HEPACAM: variants seen among roughly 807,000 people sequenced by gnomAD.
The protein encoded by HEPACAM is hepatocyte cell adhesion molecule.
In HEPACAM, 18 loss-of-function variants were observed where a neutral mutation model predicts 38.3. That is an observed-to-expected ratio of 0.47 (90% CI 0.33 to 0.70). The LOEUF is 0.70. HEPACAM is among the 30% of genes least tolerant of loss of function. The pLI is 0.03. For missense variants in HEPACAM, 466 were observed against 563.0 expected, an observed-to-expected ratio of 0.83 and a Z score of 1.74; for synonymous variants, 216 against 243.1, an observed-to-expected ratio of 0.89 and a Z score of 1.04.
chr11:124,928,666 C>A (rs1024722770), intron 1 of HEPACAM, among the ~76,000 whole-genome samples: 17 of 152,180 alleles, frequency 1.1e-4, no homozygotes, highest in Non-Finnish European at 2.9e-5. Context: ...TACCTGATTG[C>A]CTCCTTTGGA....
Position 124,920,470 on chromosome 11 carries a change from G to A in HEPACAM, c.*668C>T, listed in dbSNP as rs961666708. ...GCTCGGGTTCTTTGCCCTTGCTAGC[G>A]CCCAGGTCAGAGGGAAAAGGAATGT... is the stretch of plus-strand genomic sequence containing the variant. On this transcript the variant is annotated 3_prime_UTR_variant, in exon 7 of 7. Coordinates refer to ENST00000298251, the MANE Select transcript of HEPACAM (RefSeq NM_152722.5). The A allele has an allele frequency of 3.9e-6, 6 of 1,538,950 alleles. No individual in the cohort carries two copies. Among genetic ancestry groups the A allele is most frequent in the South Asian group, 3.6e-5 (3 of 83,014 alleles).
intron 6 of HEPACAM, among the ~76,000 whole-genome samples, chr11:124,922,063 G>A (rs1221151657): frequency 6.6e-6 from 1 of 152,164 alleles, no homozygotes; most frequent in Non-Finnish European, 1.5e-5. Context: ...CCTGAGCTCC[G>A]CCTCCTGTCA....
At chr11:124,925,520 T>C (rs1276350853) in intron 1 of HEPACAM, among the ~76,000 whole-genome samples, 1 of 152,168 alleles carries the variant, frequency 6.6e-6, no homozygotes, top group Non-Finnish European at 1.5e-5. Context: ...TCAGATCTTC[T>C]TGATTGGGGA....
chr11:124,927,061 G>A (rs186084270), intron 1 of HEPACAM, among the ~76,000 whole-genome samples: 4 of 152,122 alleles, frequency 2.6e-5, no homozygotes, highest in South Asian at 2.1e-4. Flanking sequence ...TAGTAGAGAC[G>A]GGGTTTCAGC....
In HEPACAM at chr11:124,924,236, A is replaced by G. The variant is rs984322771; in HGVS notation, c.428-226T>C. Among the ~76,000 whole-genome samples the G allele has an allele frequency of 2.0e-5, 3 of 152,170 alleles. No individual in the cohort carries two copies. The highest frequency in any genetic ancestry group is 7.2e-5 in the African/African-American group (3 of 41,432). ...TTAGGCATGGCGGGTACAATGCTGA[A>G]CAATGCAGACATGGTGTTGCCCTCA... is the stretch of plus-strand genomic sequence containing the variant. On this transcript the variant is annotated intron_variant, in intron 2 of 6. Coordinates refer to ENST00000298251, the MANE Select transcript of HEPACAM (RefSeq NM_152722.5). The surrounding 1 kb of genome is among the most constrained non-coding windows in gnomAD (Gnocchi z 4.4).
At position 124,919,993 on chromosome 11, in the gene HEPACAM, C is replaced by T; in HGVS notation, c.*1145G>A. Reference sequence around the variant, plus strand: ...ATGTCCTGGCTACACAGCGGCCCAGCCTCTTTATTTTGATGTTAGTGTGAT... The same window carrying T: ...ATGTCCTGGCTACACAGCGGCCCAGTCTCTTTATTTTGATGTTAGTGTGAT... On this transcript the variant is annotated 3_prime_UTR_variant, in exon 7 of 7. Transcript: ENST00000298251. 1.2e-6 allele frequency: 2 copies of T among 1,613,142 alleles called. No individual in the cohort carries two copies. Among genetic ancestry groups the T allele is most frequent in the Non-Finnish European group, 1.7e-6 (2 of 1,179,968 alleles).
Position 124,920,883 on chromosome 11 carries a change from C to T in HEPACAM, c.*255G>A, listed in dbSNP as rs188179083. On this transcript the variant is annotated 3_prime_UTR_variant, in exon 7 of 7. Transcript: ENST00000298251. Reference sequence around the variant, plus strand: ...AATAATCTATGTGGTCCTAAGAGGGCACAACCTATACCAAGTGAGGACACA... The same window carrying T: ...AATAATCTATGTGGTCCTAAGAGGGTACAACCTATACCAAGTGAGGACACA... The T allele has an allele frequency of 7.5e-7, 1 of 1,324,900 alleles. No homozygotes were observed. The highest frequency in any genetic ancestry group is 9.6e-7 in the Non-Finnish European group (1 of 1,039,810). 82.1% of individuals were successfully genotyped at this position (1,324,900 alleles called of 1,614,324 possible). A position where few individuals can be genotyped will look rare whatever the true frequency, so the allele number is the denominator to read the frequency against.
intron 1 of HEPACAM, among the ~76,000 whole-genome samples, chr11:124,931,616 T>C (rs1947281793): frequency 6.6e-6 from 1 of 152,224 alleles, no homozygotes; most frequent in Admixed American, 6.5e-5. Context: ...TACATGTTGA[T>C]AGGAGTGTAA....
rs1425716829 is a variant in HEPACAM, at chr11:124,920,341, T to C, written c.*797A>G. On this transcript the variant is annotated 3_prime_UTR_variant, in exon 7 of 7. Coordinates refer to ENST00000298251, the MANE Select transcript of HEPACAM (RefSeq NM_152722.5). Reference sequence around the variant, plus strand: ...GGAGTAAGTGAAATTCACTTCTCTATAAGAATAAGCCCATCCATCTCTTTT... The same window carrying C: ...GGAGTAAGTGAAATTCACTTCTCTACAAGAATAAGCCCATCCATCTCTTTT... 2.7e-6 allele frequency: 4 copies of C among 1,487,442 alleles called. No homozygotes were observed. The South Asian group carries it at 3.8e-5, about 14-fold the overall frequency. 92.1% of individuals were successfully genotyped at this position (1,487,442 alleles called of 1,614,324 possible).
chr11:124,920,143 T>G lies in HEPACAM; in HGVS notation c.*995A>C, dbSNP rs1466737432. ...TGCTGGGAAGCAATAAGCCTCCTCC[T>G]CCCCCCACCATTTCTCTGGAGATTA... On this transcript the variant is annotated 3_prime_UTR_variant, in exon 7 of 7. Transcript: ENST00000298251. 3.7e-6 allele frequency: 4 copies of G among 1,095,748 alleles called. No individual in the cohort carries two copies. In the African/African-American group the frequency reaches 6.3e-5, roughly 17 times the overall value. The allele number at this position is 1,095,748 out of a possible 1,614,324, so 67.9% of individuals were successfully genotyped here.
In HEPACAM at chr11:124,920,308, G is replaced by C. The variant is rs367649640; in HGVS notation, c.*830C>G. The stretch of plus-strand genomic sequence containing the variant: ...CAGTTCCTCATTTGGTCTAGTTTTC[G>C]GGCCAGGGGAGTAAGTGAAATTCAC... On this transcript the variant is annotated 3_prime_UTR_variant, in exon 7 of 7. Coordinates refer to ENST00000298251, the MANE Select transcript of HEPACAM (RefSeq NM_152722.5). The C allele has an allele frequency of 1.1e-5, 14 of 1,296,546 alleles. No homozygotes were observed. In the East Asian group the frequency reaches 1.5e-4, roughly 14 times the overall value. 80.3% of individuals were successfully genotyped at this position (1,296,546 alleles called of 1,614,324 possible).
chr11:124,922,478 G>A lies in HEPACAM; in HGVS notation c.878-20C>T, dbSNP rs545124275. The A allele has an allele frequency of 1.1e-5, 18 of 1,613,730 alleles. No homozygotes were observed. In the East Asian group the frequency reaches 1.6e-4, roughly 14 times the overall value. On this transcript the variant is annotated intron_variant, in intron 5 of 6. Coordinates refer to ENST00000298251, the MANE Select transcript of HEPACAM (RefSeq NM_152722.5). ...TGTCTGCTGCACAGGGGAGAGAAGC[G>A]GGTGGCTGGCCCAGGTACAGACTCT...
rs1359286140 is a variant in HEPACAM, at chr11:124,921,480, C to T, written c.949-40G>A. 8.2e-7 allele frequency: 1 copy of T among 1,214,114 alleles called. No individual in the cohort carries two copies. The highest frequency in any genetic ancestry group is 1.0e-6 in the Non-Finnish European group (1 of 965,430). 75.2% of individuals were successfully genotyped at this position (1,214,114 alleles called of 1,614,324 possible). On this transcript the variant is annotated intron_variant, in intron 6 of 6. Transcript: ENST00000298251. The surrounding 1 kb of genome is among the most constrained non-coding windows in gnomAD (Gnocchi z 4.6). Reference sequence around the variant, plus strand: ...GCCGCAGGGGTCAGGGGACAGTCAGCCCAGCCTGGGAGCGCGCCTGGTGTT... The same window carrying T: ...GCCGCAGGGGTCAGGGGACAGTCAGTCCAGCCTGGGAGCGCGCCTGGTGTT...
chr11:124,926,486 G>A (rs1947210858), intron 1 of HEPACAM, among the ~76,000 whole-genome samples: 1 of 152,118 alleles, frequency 6.6e-6, no homozygotes, highest in South Asian at 2.1e-4. Context: ...CTATCCAGAG[G>A]GCATTTCAGA....
chr11:124,924,483 G>C lies in HEPACAM; in HGVS notation c.427+245C>G, dbSNP rs905146097. The C allele has an allele frequency of 1.4e-5, 8 of 573,678 alleles. No individual in the cohort carries two copies. Among genetic ancestry groups the C allele is most frequent in the Non-Finnish European group, 1.9e-5 (6 of 319,478 alleles). 35.5% of individuals were successfully genotyped at this position (573,678 alleles called of 1,614,324 possible). A position where few individuals can be genotyped will look rare whatever the true frequency, so the allele number is the denominator to read the frequency against. On this transcript the variant is annotated intron_variant, in intron 2 of 6. Coordinates refer to ENST00000298251, the MANE Select transcript of HEPACAM (RefSeq NM_152722.5). This position sits in a 1 kb window ranked among gnomAD's most constrained non-coding sequence, Gnocchi z 4.4. ...AGGATAATGATATGAACTATCACCA[G>C]ACTATTATAAGCATTAAATGAGTCA...
Position 124,921,149 on chromosome 11 carries a change from T to A in HEPACAM, c.1240A>T (p.Ile414Phe). 1 of 1,527,288 alleles carries A rather than the reference T, an allele frequency of 6.5e-7. No individual in the cohort carries two copies. Among genetic ancestry groups the A allele is most frequent in the Non-Finnish European group, 8.7e-7 (1 of 1,144,138 alleles). 94.6% of individuals were successfully genotyped at this position (1,527,288 alleles called of 1,614,324 possible). Residue 414 changes from isoleucine to phenylalanine, a missense_variant, in exon 7 of 7, where the codon ATC (isoleucine) becomes TTC (phenylalanine). Coordinates refer to ENST00000298251, the MANE Select transcript of HEPACAM (RefSeq NM_152722.5). The surrounding 1 kb of genome is among the most constrained non-coding windows in gnomAD (Gnocchi z 4.6). Reference protein sequence around the residue: ...REQDEAGPVEISA With the variant: ...REQDEAGPVEFSA ...GATCCCGAGGCGGCTCAGGCGCTGA[T>A]CTCCACCGGGCCGGCCTCGTCTTGC...
Position 124,924,480 on chromosome 11 carries a change from C to A in HEPACAM, c.427+248G>T, listed in dbSNP as rs946428021. 5 of 568,840 alleles carry A rather than the reference C, an allele frequency of 8.8e-6. No individual in the cohort carries two copies. The highest frequency in any genetic ancestry group is 1.6e-5 in the Non-Finnish European group (5 of 316,474). The allele number at this position is 568,840 out of a possible 1,614,324, so 35.2% of individuals were successfully genotyped here. A position where few individuals can be genotyped will look rare whatever the true frequency, so the allele number is the denominator to read the frequency against. On this transcript the variant is annotated intron_variant, in intron 2 of 6. Coordinates refer to ENST00000298251, the MANE Select transcript of HEPACAM (RefSeq NM_152722.5). The surrounding 1 kb of genome is among the most constrained non-coding windows in gnomAD (Gnocchi z 4.4). The stretch of plus-strand genomic sequence containing the variant: ...ATTAGGATAATGATATGAACTATCA[C>A]CAGACTATTATAAGCATTAAATGAG...
In HEPACAM at chr11:124,925,288, A is replaced by T. The variant is rs770541019; in HGVS notation, c.86-219T>A. ...CTCTCACAGCCATCTCATGGCCTTC[A>T]ATGCTTTTTCCACCTAGCCCTCTGC... is the stretch of plus-strand genomic sequence containing the variant. On this transcript the variant is annotated intron_variant, in intron 1 of 6. Transcript: ENST00000298251. Among the ~76,000 whole-genome samples, 111 of 152,244 alleles carry T rather than the reference A, an allele frequency of 7.3e-4. 1 individual carries two copies. The highest frequency in any genetic ancestry group is 1.3e-3 in the Non-Finnish European group (86 of 68,016).
intron 1 of HEPACAM, among the ~76,000 whole-genome samples, chr11:124,925,998 C>T (rs1327463585): frequency 2.6e-5 from 4 of 152,016 alleles, no homozygotes; most frequent in East Asian, 1.9e-4. Flanking sequence ...GTCAGGAGTT[C>T]GAGACCAGCC....
Sources: gnomAD v4.1 joint callset for allele counts (sites outside exome capture counted in the v4.1 genomes callset) on GRCh38, gnomAD v4.1.1 for gene constraint, Gnocchi (gnomAD v3.1) non-coding constraint, MANE v1.5 for transcripts, NCBI Gene and HGNC (gene_info 2026-07-23, HGNC 2026-07-21) for gene names.